The following HSD17B12 variants were observed in gnomAD, a reference collection of about 807,000 sequenced individuals.
The protein encoded by HSD17B12 is hydroxysteroid 17-beta dehydrogenase 12.
A neutral mutation model predicts 39.3 loss-of-function variants in HSD17B12; 32 were observed. That is an observed-to-expected ratio of 0.81 (90% CI 0.61 to 1.09). The LOEUF (loss-of-function observed/expected upper bound fraction) is 1.09. HSD17B12 is among the 50% of genes least tolerant of loss of function. HSD17B12 has a pLI of 0.00. For missense variants in HSD17B12, 342 were observed against 382.9 expected (o/e 0.89, Z 0.89); for synonymous variants, 150 against 146.7 (o/e 1.02, Z -0.16).
rs945107484 is a variant in HSD17B12 at position 43,841,249 on chromosome 11, G to A, written c.684+1185G>A. Among the ~76,000 whole-genome samples, 34 of 152,066 alleles carry A rather than the reference G, an allele frequency of 2.2e-4. 1 individual carries two copies. The highest frequency in any genetic ancestry group is 4.4e-5 in the Non-Finnish European group (3 of 68,014). ...CGTGTTGTTTGGTTTCTTGTCATTG[G>A]GTTGTAGGAATGATCTATATATTCT... On this transcript the variant is annotated intron_variant, in intron 9 of 10. Transcript: ENST00000278353.
intron 4 of HSD17B12, among the ~76,000 whole-genome samples, chr11:43,809,342 T>C (rs1951047615): frequency 6.6e-6 from 1 of 152,186 alleles, no homozygotes; most frequent in Non-Finnish European, 1.5e-5. Context: ...TGTTAGGAGC[T>C]GGTAGTAGTG....
At chr11:43,640,353 G>C in the HSD17B12 span, among the ~76,000 whole-genome samples, 1 of 152,142 alleles carries the variant, frequency 6.6e-6, no homozygotes, top group Non-Finnish European at 1.5e-5. Context: ...GTGAGTTCAT[G>C]AATGTAAACC....
intron 2 of HSD17B12, among the ~76,000 whole-genome samples, chr11:43,753,793 G>A (rs983491476): frequency 2.6e-5 from 4 of 152,062 alleles, no homozygotes; most frequent in African/African-American, 9.6e-5. Flanking sequence ...TAGTATAGAT[G>A]ATATAAAATG....
intron 1 of HSD17B12, among the ~76,000 whole-genome samples, chr11:43,696,742 G>A (rs1949915318): frequency 6.6e-6 from 1 of 152,158 alleles, no homozygotes; most frequent in African/African-American, 2.4e-5. Context: ...ATTTACAATA[G>A]CGAAGACATG....
At chr11:43,727,648 C>T (rs907004367) in intron 1 of HSD17B12, among the ~76,000 whole-genome samples, 7 of 152,076 alleles carry the variant, frequency 4.6e-5, no homozygotes, top group Non-Finnish European at 1.0e-4. Flanking sequence ...TATAAATTCC[C>T]ATCATAGTAC....
chr11:43,709,659 T>C (rs891819631), intron 1 of HSD17B12, among the ~76,000 whole-genome samples: 1 of 152,238 alleles, frequency 6.6e-6, no homozygotes, highest in Admixed American at 6.5e-5. Flanking sequence ...TTTAATTTTT[T>C]AAATTTTTTG....
intron 1 of HSD17B12, among the ~76,000 whole-genome samples, chr11:43,735,514 T>C (rs576923791): frequency 3.9e-5 from 6 of 152,226 alleles, no homozygotes; most frequent in Admixed American, 1.3e-4. Flanking sequence ...TTGAGCTTTT[T>C]TCTTATGCCT....
the HSD17B12 span, among the ~76,000 whole-genome samples, chr11:43,557,429 C>T: frequency 3.9e-5 from 6 of 152,144 alleles, no homozygotes; most frequent in Admixed American, 3.9e-4. Context: ...GAAAGAATCA[C>T]GGTATGGTGG....
chr11:43,785,745 A>G (rs553732900), intron 3 of HSD17B12, among the ~76,000 whole-genome samples: 1 of 152,228 alleles, frequency 6.6e-6, no homozygotes, highest in Non-Finnish European at 1.5e-5. Context: ...ATCTGAAATT[A>G]TATCAATTTT....
the HSD17B12 span, among the ~76,000 whole-genome samples, chr11:43,675,303 C>G: frequency 6.6e-6 from 1 of 152,076 alleles, no homozygotes; most frequent in Non-Finnish European, 1.5e-5. Context: ...GAATACCATT[C>G]TAAGGGGGAT....
intron 1 of HSD17B12, chr11:43,734,408 GCAGCCGAGCTGATCA>G: frequency 1.3e-6 from 1 of 785,764 alleles, no homozygotes; most frequent in Non-Finnish European, 2.3e-6. Context: ...TGACTCTAAG[GCAGCCGAGCTGATCA>G]CCAACTCACT....
At chr11:43,696,471 A>G (rs1184312907) in intron 1 of HSD17B12, among the ~76,000 whole-genome samples, 1 of 152,272 alleles carries the variant, frequency 6.6e-6, no homozygotes, top group Non-Finnish European at 1.5e-5. Flanking sequence ...GTGGAATATC[A>G]TCTCATGCCA....
chr11:43,654,315 G>T, the HSD17B12 span, among the ~76,000 whole-genome samples: 1 of 152,038 alleles, frequency 6.6e-6, no homozygotes, highest in Non-Finnish European at 1.5e-5. Context: ...AGATGAGTAG[G>T]TTGCAAAAAT....
chr11:43,766,268 C>T (rs1224322428), intron 3 of HSD17B12, among the ~76,000 whole-genome samples: 2 of 152,072 alleles, frequency 1.3e-5, no homozygotes, highest in Middle Eastern at 3.2e-3. Context: ...GACTGCTGGG[C>T]TCTATCTGAA....
intron 4 of HSD17B12, among the ~76,000 whole-genome samples, chr11:43,802,218 C>G (rs972332032): frequency 1.3e-5 from 2 of 151,966 alleles, no homozygotes; most frequent in Admixed American, 1.3e-4. Flanking sequence ...GATCTCCTGA[C>G]CTCATGATCT....
chr11:43,811,872 C>A (rs1045598642), intron 4 of HSD17B12, among the ~76,000 whole-genome samples: 1 of 152,048 alleles, frequency 6.6e-6, no homozygotes, highest in Non-Finnish European at 1.5e-5. Flanking sequence ...CCTCACCCAC[C>A]CACACACACC....
intron 1 of HSD17B12, among the ~76,000 whole-genome samples, chr11:43,720,675 A>G (rs921420757): frequency 3.3e-5 from 5 of 152,256 alleles, no homozygotes; most frequent in African/African-American, 1.2e-4. Context: ...GCAAATTCAC[A>G]TTGCAAAAGA....
intron 1 of HSD17B12, among the ~76,000 whole-genome samples, chr11:43,735,490 T>C (rs1950308432): frequency 6.6e-6 from 1 of 152,230 alleles, no homozygotes; most frequent in African/African-American, 2.4e-5. Flanking sequence ...TTGATTTTCA[T>C]TTCTCTAATA....
At position 43,799,237 on chromosome 11, in the gene HSD17B12, TA is replaced by T. The variant is rs577513240; in HGVS notation, c.391+819del. ...GTACTATATGTATATCTCTGCTTTA[TA>T]AAAAAAAATACAAATAAGATTCCCA... On this transcript the variant is annotated intron_variant, in intron 4 of 10. Transcript: ENST00000278353. Among the ~76,000 whole-genome samples the T allele has an allele frequency of 5.3e-5, 8 of 151,126 alleles. No homozygotes were observed. The East Asian group carries it at 9.7e-4, about 18-fold the overall frequency.
Sources: allele counts gnomAD v4.1 joint callset (sites outside exome capture counted in the v4.1 genomes callset), GRCh38; gene constraint gnomAD v4.1.1; transcripts MANE v1.5; gene names NCBI Gene and HGNC (gene_info 2026-07-23, HGNC 2026-07-21).